Variants in AKAP6 observed in about 807,000 individuals in gnomAD.
AKAP6 encodes the protein A-kinase anchor protein 6.
In AKAP6, 58 loss-of-function variants were observed where a neutral mutation model predicts 188.5. The observed-to-expected ratio is 0.31, with a 90% CI of 0.25 to 0.38. The LOEUF (loss-of-function observed/expected upper bound fraction) is 0.38. Ranked by LOEUF, AKAP6 falls within the 10% of genes least tolerant of loss-of-function variation. The pLI, the probability that AKAP6 is intolerant of heterozygous loss-of-function variation, is 1.00. For synonymous variants in AKAP6, 989 were observed against 998.6 expected (o/e 0.99, Z 0.18); for missense variants, 2,710 against 2,740.0 (o/e 0.99, Z 0.24).
At chr14:32,726,269 C>T in intron 9 of AKAP6, 2 of 918,832 alleles carry the variant, frequency 2.2e-6, no homozygotes, top group South Asian at 5.0e-5. Context: ...CTTCTCTCCT[C>T]AGTCTTCTTT....
At chr14:32,828,539 A>T (rs898747842) in intron 13 of AKAP6, among the ~76,000 whole-genome samples, 5,668 of 82,376 alleles carry the variant, frequency 0.069, 107 homozygotes, top group South Asian at 0.17. Context: ...TCACACACAC[A>T]CACACACACA....
At chr14:32,339,222 C>T (rs532225836) in intron 1 of AKAP6, among the ~76,000 whole-genome samples, 3 of 152,188 alleles carry the variant, frequency 2.0e-5, no homozygotes, top group African/African-American at 4.8e-5. Flanking sequence ...ACATTTGTTA[C>T]GAGAGTAAAT....
Position 32,822,226 on chromosome 14 carries a change from A to T in AKAP6, c.4413A>T (p.Ser1471=), listed in dbSNP as rs760379339. The change falls in exon 13 of 14, where the codon TCA becomes TCT. Residue 1471 remains serine (S), a synonymous_variant. Transcript: ENST00000280979. ...ATGTGTTTACATTTTATGATTACTCATACCTCCAAGGCTCAAAACTCAAAT... is the reference window on the plus strand; with the variant it reads ...ATGTGTTTACATTTTATGATTACTCTTACCTCCAAGGCTCAAAACTCAAAT... ...KHDVFTFYDY[S]YLQGSKLKLP... is the part of the protein sequence containing the mutation. 1.9e-6 allele frequency: 3 copies of T among 1,613,950 alleles called. No homozygotes were observed. Among genetic ancestry groups the T allele is most frequent in the Non-Finnish European group, 2.5e-6 (3 of 1,179,930 alleles).
intron 2 of AKAP6, 79 bp downstream of exon 2, chr14:32,433,896 C>G: frequency 1.5e-6 from 2 of 1,367,508 alleles, no homozygotes; most frequent in Non-Finnish European, 2.0e-6. Flanking sequence ...TCTGTAATTT[C>G]CAGTGAGGAA....
At chr14:32,369,986 G>A (rs766571638) in intron 1 of AKAP6, among the ~76,000 whole-genome samples, 24 of 152,174 alleles carry the variant, frequency 1.6e-4, no homozygotes, top group Admixed American at 2.6e-4. Flanking sequence ...AGCTGAGACC[G>A]CGCCATTGCA....
chr14:32,741,095 T>C (rs2031654630), intron 11 of AKAP6, among the ~76,000 whole-genome samples: 1 of 151,586 alleles, frequency 6.6e-6, no homozygotes, highest in Non-Finnish European at 1.5e-5. Flanking sequence ...GATTTTTCAG[T>C]TCTTTGGTTA....
intron 3 of AKAP6, among the ~76,000 whole-genome samples, chr14:32,540,168 C>CTCTCTCTATATATA (rs1240063339): frequency 4.8e-4 from 29 of 60,908 alleles, no homozygotes; most frequent in African/African-American, 2.7e-3. Flanking sequence ...CTCTCTCTCT[C>CTCTCTCTATATATA]TATATATATA....
intron 7 of AKAP6, among the ~76,000 whole-genome samples, chr14:32,643,751 A>C (rs1887865429): frequency 6.6e-6 from 1 of 152,148 alleles, no homozygotes; most frequent in South Asian, 2.1e-4. Flanking sequence ...ACTGTATGTC[A>C]TCAGGAAGAC....
intron 8 of AKAP6, among the ~76,000 whole-genome samples, chr14:32,691,583 G>T (rs1387231362): frequency 1.3e-5 from 2 of 151,728 alleles, no homozygotes; most frequent in Non-Finnish European, 1.5e-5. Context: ...TTTTGAGACA[G>T]AGTCTTGCTG....
chr14:32,658,213 T>A (rs1197636224), intron 7 of AKAP6, among the ~76,000 whole-genome samples: 2 of 152,100 alleles, frequency 1.3e-5, no homozygotes, highest in Non-Finnish European at 2.9e-5. Flanking sequence ...GACGACAGTC[T>A]ATGGGGATTT....
chr14:32,773,835 T>C lies in AKAP6; in HGVS notation c.3530T>C (p.Ile1177Thr), dbSNP rs889895023. Residue 1177 changes from isoleucine (I) to threonine (T), a missense_variant, in exon 12 of 14, where the codon ATT becomes ACT. This residue lies in a region of AKAP6 where 2,473 missense variants were observed against 2,426.1 expected (regional missense o/e 1.02). Transcript: ENST00000280979. The stretch of plus-strand genomic sequence containing the variant: ...AATCTTGAAAGAAGGTGGGAAGCCA[T>C]TGTCATGCAAGCCGTCCAGTGGCAA... ...IVNLERRWEA[I>T]VMQAVQWQTR... 5.0e-6 allele frequency: 8 copies of C among 1,613,992 alleles called. No individual in the cohort carries two copies. The African/African-American group carries it at 1.1e-4, about 22-fold the overall frequency.
intron 5 of AKAP6, among the ~76,000 whole-genome samples, chr14:32,585,728 T>A (rs1885205538): frequency 6.6e-6 from 1 of 152,132 alleles, no homozygotes; most frequent in Non-Finnish European, 1.5e-5. Context: ...GAGAAAAATT[T>A]TATTGGTTCT....
chr14:32,586,136 T>C (rs1395815098), intron 5 of AKAP6, among the ~76,000 whole-genome samples: 6 of 152,130 alleles, frequency 3.9e-5, no homozygotes, highest in African/African-American at 1.2e-4. Flanking sequence ...GATTTGGGTA[T>C]AGTATTTGAA....
intron 4 of AKAP6, among the ~76,000 whole-genome samples, chr14:32,572,140 G>A (rs896377403): frequency 6.6e-6 from 1 of 152,180 alleles, no homozygotes; most frequent in Non-Finnish European, 1.5e-5. Context: ...ACTGTTTCTA[G>A]AGGGTGGTGT....
At chr14:32,824,954 G>A (rs994210779) in intron 13 of AKAP6, 139 bp downstream of exon 13, 6 of 545,146 alleles carry the variant, frequency 1.1e-5, no homozygotes, top group Non-Finnish European at 1.8e-5. Flanking sequence ...TAGAAGAAAT[G>A]CTCTCAACAA....
chr14:32,678,334 G>A lies in AKAP6; in HGVS notation c.2754G>A (p.Leu918=). 6.2e-7 allele frequency: 1 copy of A among 1,612,640 alleles called. No homozygotes were observed. Among genetic ancestry groups the A allele is most frequent in the Non-Finnish European group, 8.5e-7 (1 of 1,179,030 alleles). The change falls in exon 8 of 14, where the codon CTG becomes CTA. Residue 918 remains leucine (L), a synonymous_variant. Transcript: ENST00000280979. Reference sequence around the variant, plus strand: ...AGGCTGAGGTTCAACTATGCTACCTGGAAGCACAAAGAGATGCTGTTGAGC... The same window carrying A: ...AGGCTGAGGTTCAACTATGCTACCTAGAAGCACAAAGAGATGCTGTTGAGC... ...SPKAEVQLCY[L]EAQRDAVEQM... is the part of the protein sequence containing the mutation.
intron 7 of AKAP6, among the ~76,000 whole-genome samples, chr14:32,612,192 A>T (rs1886374879): frequency 6.6e-6 from 1 of 152,172 alleles, no homozygotes; most frequent in Non-Finnish European, 1.5e-5. Context: ...ACAGCCTTGT[A>T]AAACACCAGT....
chr14:32,551,619 C>T (rs941795695), intron 4 of AKAP6, among the ~76,000 whole-genome samples: 1 of 147,358 alleles, frequency 6.8e-6, no homozygotes, highest in Non-Finnish European at 1.5e-5. Context: ...CTTTCTTTTA[C>T]AGATCTCACC....
At chr14:32,774,710 C>A (rs961803120) in intron 12 of AKAP6, among the ~76,000 whole-genome samples, 2 of 152,032 alleles carry the variant, frequency 1.3e-5, no homozygotes, top group African/African-American at 4.8e-5. Flanking sequence ...TAGTTGAAGG[C>A]CCAACTCCCA....
Sources: allele counts gnomAD v4.1 joint callset (sites outside exome capture counted in the v4.1 genomes callset), GRCh38; gene constraint gnomAD v4.1.1; regional missense constraint gnomAD v4.1.1; transcripts MANE v1.5; gene names NCBI Gene and HGNC (gene_info 2026-07-23, HGNC 2026-07-21).